Variants in MME observed in about 807,000 individuals in gnomAD.
The protein encoded by MME is membrane metalloendopeptidase, also known as neprilysin.
In MME, 98 loss-of-function variants were observed where a neutral mutation model predicts 113.2. The observed-to-expected ratio is 0.87, with a 90% CI of 0.74 to 1.02. MME has a LOEUF of 1.02. MME is among the 50% of genes least tolerant of loss of function. MME has a pLI of 0.00. For missense variants in MME, 836 were observed against 896.0 expected, an observed-to-expected ratio of 0.93 and a Z score of 0.86; for synonymous variants, 292 against 300.6, an observed-to-expected ratio of 0.97 and a Z score of 0.30.
At chr3:155,134,418 A>G (rs185201673) in intron 8 of MME, among the ~76,000 whole-genome samples, 17 of 152,214 alleles carry the variant, frequency 1.1e-4, no homozygotes. Flanking sequence ...GCATTAATTC[A>G]CTTAGGATAA....
chr3:155,092,284 G>A (rs1716362435), intron 3 of MME, among the ~76,000 whole-genome samples: 1 of 152,188 alleles, frequency 6.6e-6, no homozygotes, highest in Admixed American at 6.5e-5. Context: ...TGGTCAAGCT[G>A]ATACCTAAAA....
Position 155,172,227 on chromosome 3 carries a change from T to G in MME, c.2076+15T>G, listed in dbSNP as rs372758338. 2.6e-6 allele frequency: 4 copies of G among 1,527,558 alleles called. No homozygotes were observed. In the African/African-American group the frequency reaches 4.1e-5, roughly 16 times the overall value. The allele number at this position is 1,527,558 out of a possible 1,614,324, so 94.6% of individuals were successfully genotyped here. Reference sequence around the variant, plus strand: ...ACTTTGCACAGGTATTGTGTCTTTCTTGATTGATAGATATGAAAACCATTT... The same window carrying G: ...ACTTTGCACAGGTATTGTGTCTTTCGTGATTGATAGATATGAAAACCATTT... On this transcript the variant is annotated intron_variant, in intron 21 of 22. Coordinates refer to ENST00000360490, the MANE Select transcript of MME (RefSeq NM_007289.4).
chr3:155,179,127 T>C (rs1712831448), intron 22 of MME, among the ~76,000 whole-genome samples: 1 of 152,172 alleles, frequency 6.6e-6, no homozygotes, highest in East Asian at 1.9e-4. Flanking sequence ...GAGTTAGCCA[T>C]GTACTGACTG....
chr3:155,082,294 C>G (rs1054822045), intron 1 of MME, among the ~76,000 whole-genome samples: 9 of 152,148 alleles, frequency 5.9e-5, no homozygotes, highest in African/African-American at 2.4e-5. Context: ...AAACATTTCT[C>G]TACATTGTCT....
chr3:155,138,641 T>C (rs1720822402), intron 9 of MME, among the ~76,000 whole-genome samples: 1 of 152,192 alleles, frequency 6.6e-6, no homozygotes, highest in Admixed American at 6.5e-5. Context: ...TTGTCTCTAT[T>C]TCTTTGCTAA....
At chr3:155,115,713 A>C (rs546672281) in intron 4 of MME, among the ~76,000 whole-genome samples, 1 of 152,344 alleles carries the variant, frequency 6.6e-6, no homozygotes, top group East Asian at 1.9e-4. Flanking sequence ...GGTGTGAGCC[A>C]CTATGCCCAG....
Position 155,090,696 on chromosome 3 carries a change from T to G in MME, c.196+5602T>G, listed in dbSNP as rs546677200. Among the ~76,000 whole-genome samples the G allele has an allele frequency of 1.1e-4, 16 of 152,366 alleles. 1 individual carries two copies. The South Asian group carries it at 2.5e-3, about 24-fold the overall frequency. On this transcript the variant is annotated intron_variant, in intron 3 of 22. Transcript: ENST00000360490. The stretch of plus-strand genomic sequence containing the variant: ...TGAGTTGTCTGTTTCTGGAATTTTC[T>G]ATTTAATATATTGGACTGTAGTTGA...
At chr3:155,160,815 G>C (rs1002475763) in intron 17 of MME, among the ~76,000 whole-genome samples, 2 of 151,944 alleles carry the variant, frequency 1.3e-5, no homozygotes, top group African/African-American at 4.8e-5. Context: ...GCTTCTTAAA[G>C]TGGTTTAAGG....
Position 155,148,669 on chromosome 3 carries a change from T to C in MME, c.1601+16T>C. 1 of 1,550,048 alleles carries C rather than the reference T, an allele frequency of 6.5e-7. No individual in the cohort carries two copies. Among genetic ancestry groups the C allele is most frequent in the Non-Finnish European group, 8.9e-7 (1 of 1,122,116 alleles). The stretch of plus-strand genomic sequence containing the variant: ...ACAAAGATGAGTGCGTATATTCTCA[T>C]TTCTAATGTGATCATCTAGAAGCAG... On this transcript the variant is annotated intron_variant, in intron 16 of 22. Coordinates refer to ENST00000360490, the MANE Select transcript of MME (RefSeq NM_007289.4).
intron 16 of MME, among the ~76,000 whole-genome samples, chr3:155,150,015 T>G (rs1013111414): frequency 1.3e-5 from 2 of 152,198 alleles, no homozygotes; most frequent in African/African-American, 4.8e-5. Context: ...ACACAAAAAG[T>G]TATGCAAAAT....
rs756252231 is a variant in MME at position 155,160,384 on chromosome 3, C to T, written c.1602-6C>T. 1.9e-6 allele frequency: 3 copies of T among 1,600,776 alleles called. No individual in the cohort carries two copies. In the African/African-American group the frequency reaches 4.0e-5, roughly 21 times the overall value. On this transcript the variant is annotated splice_polypyrimidine_tract_variant and splice_region_variant and intron_variant, in intron 16 of 22. Transcript: ENST00000360490. ...CATTTGTAAAGAGTTCTTATGTTTT[C>T]TACAGGTGGATAAGTGGAGCAGCTG...
intron 9 of MME, among the ~76,000 whole-genome samples, chr3:155,139,203 T>C (rs890166867): frequency 5.3e-5 from 8 of 152,018 alleles, no homozygotes; most frequent in African/African-American, 1.9e-4. Context: ...CTGCTCTGGG[T>C]TTTTGCCACT....
At chr3:155,045,402 C>T (rs2108124067) in intron 1 of MME, among the ~76,000 whole-genome samples, 1 of 152,132 alleles carries the variant, frequency 6.6e-6, no homozygotes, top group East Asian at 1.9e-4. Flanking sequence ...CCCACCTCAG[C>T]CTCCCAAAGT....
chr3:155,168,976 T>C (rs1163151211), intron 20 of MME, 179 bp downstream of exon 20: 8 of 596,196 alleles, frequency 1.3e-5, no homozygotes, highest in Admixed American at 3.0e-5. Context: ...GGTCAATACA[T>C]TGATGTGACG....
intron 1 of MME, among the ~76,000 whole-genome samples, chr3:155,065,093 G>C (rs867658276): frequency 6.6e-6 from 1 of 152,128 alleles, no homozygotes; most frequent in African/African-American, 2.4e-5. Flanking sequence ...TTCCAAATTA[G>C]AGTACATTCT....
intron 8 of MME, among the ~76,000 whole-genome samples, chr3:155,129,890 C>A (rs1266120314): frequency 6.6e-6 from 1 of 152,184 alleles, no homozygotes; most frequent in Non-Finnish European, 1.5e-5. Context: ...AACCAACCAG[C>A]AACCTCATGT....
At chr3:155,122,238 G>C (rs1232649470) in intron 8 of MME, among the ~76,000 whole-genome samples, 2 of 152,010 alleles carry the variant, frequency 1.3e-5, no homozygotes, top group South Asian at 2.1e-4. Flanking sequence ...ATGGTAGTTT[G>C]TATTTCTGTA....
chr3:155,078,438 A>G (rs1417941035), upstream of MME, among the ~76,000 whole-genome samples: 3 of 152,170 alleles, frequency 2.0e-5, no homozygotes, highest in African/African-American at 7.2e-5. Context: ...AAGATTGGTT[A>G]GCTTTTTGGG....
intron 16 of MME, among the ~76,000 whole-genome samples, chr3:155,152,702 A>G (rs766926826): frequency 3.3e-5 from 5 of 152,206 alleles, no homozygotes; most frequent in Non-Finnish European, 5.9e-5. Flanking sequence ...TTAGCCAGGC[A>G]TGGTGCCATG....
Sources: allele counts gnomAD v4.1 joint callset (sites outside exome capture counted in the v4.1 genomes callset), GRCh38; gene constraint gnomAD v4.1.1; transcripts MANE v1.5; gene names NCBI Gene and HGNC (gene_info 2026-07-23, HGNC 2026-07-21).